Variants in IQSEC2 observed in about 807,000 individuals in gnomAD.
IQSEC2 encodes the protein IQ motif and Sec7 domain ArfGEF 2.
A neutral mutation model predicts 74.6 loss-of-function variants in IQSEC2; 6 were observed. The ratio of observed to expected loss-of-function variants is 0.08; its 90% CI spans 0.04 to 0.16. The LOEUF (loss-of-function observed/expected upper bound fraction) is 0.16, where lower values mean the gene tolerates loss of function less well. Among genes scored for constraint, IQSEC2 ranks in the 10% least tolerant of loss-of-function variants. The probability of loss-of-function intolerance (pLI) is 1.00; values close to 1 mark genes in which losing one functional copy is unlikely to be tolerated. For missense variants in IQSEC2, 734 were observed against 1,306.2 expected (o/e 0.56, Z 6.75); for synonymous variants, 494 against 544.5 (o/e 0.91, Z 1.29).
At chrX:53,296,806 C>T (rs2075157879) in intron 1 of IQSEC2, among the ~76,000 whole-genome samples, 1 of 111,139 alleles carries the variant, frequency 9.0e-6, no homozygotes, top group African/African-American at 3.3e-5. Context: ...AAGTGATCTG[C>T]CCACTTCAGC....
intron 1 of IQSEC2, among the ~76,000 whole-genome samples, chrX:53,308,179 A>G (rs1371124906): frequency 9.3e-6 from 1 of 107,373 alleles, no homozygotes; most frequent in Non-Finnish European, 1.9e-5. Context: ...AAAAAAAAAA[A>G]AAAAAAAAGA....
chrX:53,238,434 C>T, intron 11 of IQSEC2, 128 bp from the exon 12 acceptor site: 1 of 640,000 alleles, frequency 1.6e-6, no homozygotes, highest in Non-Finnish European at 2.5e-6. Context: ...GGCTGGAGTG[C>T]AGTGGTGCCA....
intron 2 of IQSEC2, among the ~76,000 whole-genome samples, chrX:53,287,934 C>T (rs1294968749): frequency 8.9e-6 from 1 of 112,140 alleles, no homozygotes; most frequent in African/African-American, 3.2e-5. Flanking sequence ...TCTGACTCCT[C>T]TAGACTTCTG....
intron 2 of IQSEC2, among the ~76,000 whole-genome samples, chrX:53,264,625 C>T (rs901120422): frequency 6.4e-5 from 7 of 109,048 alleles, no homozygotes; most frequent in African/African-American, 1.3e-4. Context: ...TTTGTCTATG[C>T]GGTCCCTGTC....
At chrX:53,242,681 T>C (rs920962844) in intron 9 of IQSEC2, among the ~76,000 whole-genome samples, 1 of 111,738 alleles carries the variant, frequency 8.9e-6, no homozygotes, top group Admixed American at 9.4e-5. Context: ...GCCCAGCAAA[T>C]GCTGGGCTCA....
At chrX:53,254,954 A>C in intron 3 of IQSEC2, 23 bp from the exon 4 acceptor site, 1 of 1,203,460 alleles carries the variant, frequency 8.3e-7, no homozygotes, top group African/African-American at 1.7e-5. Flanking sequence ...GGTCGAGGGG[A>C]ACAAGGTCAG....
In IQSEC2 at chrX:53,320,979, C is replaced by T. The variant is rs2146552703; in HGVS notation, c.145G>A (p.Gly49Ser). Residue 49 changes from glycine (G) to serine (S), a missense_variant, in exon 1 of 15, where the codon GGC (glycine) becomes AGC (serine). By Grantham distance (56) the Gly-to-Ser change is moderately conservative. Transcript: ENST00000642864. ...TCCTGGGTGAGCTGGTCCAGCTGGC[C>T]CTCCAGCTCCTCGATGCGCCGCCGC... ...TQRRRIEELEGQLDQLTQENR... is the reference protein window; with the variant it reads ...TQRRRIEELESQLDQLTQENR... The T allele has an allele frequency of 8.6e-7, 1 of 1,159,477 alleles. No homozygotes were observed. Among genetic ancestry groups the T allele is most frequent in the Non-Finnish European group, 1.1e-6 (1 of 872,136 alleles).
Position 53,236,501 on chromosome X carries a change from T to C in IQSEC2, c.3278-6A>G. 1 of 1,190,395 alleles carries C rather than the reference T, an allele frequency of 8.4e-7. No individual in the cohort carries two copies. Among genetic ancestry groups the C allele is most frequent in the Non-Finnish European group, 1.1e-6 (1 of 883,998 alleles). On this transcript the variant is annotated splice_polypyrimidine_tract_variant and splice_region_variant and intron_variant, in intron 12 of 14. Coordinates refer to ENST00000642864, the MANE Select transcript of IQSEC2 (RefSeq NM_001111125.3). ...TTTCTGCTTCTCCAGCTCCGCTGGG[T>C]GGCAGTCGGGGAGACAGGGAGCAAA...
intron 2 of IQSEC2, chrX:53,281,651 G>A (rs1363321943): frequency 7.3e-5 from 58 of 793,941 alleles, no homozygotes; most frequent in Admixed American, 1.7e-4. Flanking sequence ...GCTGGGCTGC[G>A]GGCCAGATTG....
chrX:53,254,495 G>A, intron 4 of IQSEC2, 35 bp downstream of exon 4: 2 of 1,176,811 alleles, frequency 1.7e-6, no homozygotes, highest in Non-Finnish European at 2.3e-6. Flanking sequence ...AGAACACGGG[G>A]ATGGGGAAGA....
intron 1 of IQSEC2, among the ~76,000 whole-genome samples, chrX:53,295,941 T>G (rs2075147894): frequency 9.0e-6 from 1 of 111,719 alleles, no homozygotes; most frequent in South Asian, 3.7e-4. Flanking sequence ...GCGGAGTAAC[T>G]TGAATGATCA....
intron 2 of IQSEC2, chrX:53,281,574 C>T (rs1177188169): frequency 9.7e-6 from 11 of 1,131,898 alleles, no homozygotes; most frequent in Admixed American, 5.6e-5. Flanking sequence ...GTGTCTCCAC[C>T]GTGTCACCAC....
At chrX:53,292,739 AAG>A (rs1220267302) in intron 1 of IQSEC2, among the ~76,000 whole-genome samples, 2 of 111,472 alleles carry the variant, frequency 1.8e-5, no homozygotes, top group African/African-American at 3.3e-5. Flanking sequence ...CCTTCCCAAG[AAG>A]AGTGTGAGAG....
chrX:53,311,532 A>G (rs1055089346), intron 1 of IQSEC2, among the ~76,000 whole-genome samples: 12 of 111,000 alleles, frequency 1.1e-4, no homozygotes, highest in African/African-American at 3.6e-4. Context: ...CCTCCAATCT[A>G]TCTTCCAAAC....
intron 2 of IQSEC2, among the ~76,000 whole-genome samples, chrX:53,285,085 T>C (rs928787468): frequency 8.9e-6 from 1 of 112,263 alleles, no homozygotes; most frequent in Admixed American, 9.4e-5. Context: ...CTCGCAGTTC[T>C]GGCCTGCAAC....
At chrX:53,276,336 T>G (rs1333294945) in intron 2 of IQSEC2, among the ~76,000 whole-genome samples, 1 of 112,256 alleles carries the variant, frequency 8.9e-6, no homozygotes, top group Non-Finnish European at 1.9e-5. Flanking sequence ...TCTTTTCTAT[T>G]ATGTGTTCTA....
rs141626889 is a variant in IQSEC2 at position 53,298,562 on chromosome X, G to A, written c.708-6638C>T. ...CCCTGGTATTCTGAAATGTCACAGC[G>A]GCATATCTTGGCATGGGTCTTTTTA... On this transcript the variant is annotated intron_variant, in intron 1 of 14. Coordinates refer to ENST00000642864, the MANE Select transcript of IQSEC2 (RefSeq NM_001111125.3). Among the ~76,000 whole-genome samples, 656 of 111,547 alleles carry A rather than the reference G, an allele frequency of 5.9e-3. 5 individuals are homozygous for A. The highest frequency in any genetic ancestry group is 0.02 in the African/African-American group (626 of 30,666).
intron 1 of IQSEC2, among the ~76,000 whole-genome samples, chrX:53,318,880 C>T (rs782571297): frequency 2.7e-5 from 3 of 113,113 alleles, no homozygotes; most frequent in African/African-American, 6.4e-5. Flanking sequence ...CTTGGTCTAC[C>T]TCTGTCCCTC....
At chrX:53,235,951 T>G in intron 13 of IQSEC2, 119 bp from the exon 14 acceptor site, 1 of 680,016 alleles carries the variant, frequency 1.5e-6, no homozygotes, top group East Asian at 3.6e-5. Context: ...CATTATCCCT[T>G]TCCCCCATTG....
Sources: gnomAD v4.1 joint callset for allele counts (sites outside exome capture counted in the v4.1 genomes callset) on GRCh38, gnomAD v4.1.1 for gene constraint, MANE v1.5 for transcripts, NCBI Gene and HGNC (gene_info 2026-07-23, HGNC 2026-07-21) for gene names.